The following ZC3H14 variants were observed in gnomAD, a reference collection of about 807,000 sequenced individuals.
ZC3H14 encodes the protein zinc finger CCCH-type containing 14.
In ZC3H14, 31 loss-of-function variants were observed where a neutral mutation model predicts 92.4. That is an observed-to-expected ratio of 0.34 (90% CI 0.25 to 0.45). The LOEUF is 0.45. ZC3H14 is among the 20% of genes least tolerant of loss of function. ZC3H14 has a pLI of 1.00. For synonymous variants in ZC3H14, 321 were observed against 300.9 expected, an observed-to-expected ratio of 1.07 and a Z score of -0.69; for missense variants, 781 against 897.3, an observed-to-expected ratio of 0.87 and a Z score of 1.66.
In ZC3H14 at chr14:88,611,901, A is replaced by T; in HGVS notation, c.*150A>T. Reference sequence around the variant, plus strand: ...TATTGCCTATCTATCTGAAGTGTCTAATTTTTCAAGTTTGTAAGTTTATTA... The same window carrying T: ...TATTGCCTATCTATCTGAAGTGTCTTATTTTTCAAGTTTGTAAGTTTATTA... On this transcript the variant is annotated 3_prime_UTR_variant, in exon 17 of 17. Coordinates refer to ENST00000251038, the MANE Select transcript of ZC3H14 (RefSeq NM_024824.5). 7 of 1,093,086 alleles carry T rather than the reference A, an allele frequency of 6.4e-6. No homozygotes were observed. The highest frequency in any genetic ancestry group is 1.5e-5 in the South Asian group (1 of 66,200). 67.7% of individuals were successfully genotyped at this position (1,093,086 alleles called of 1,614,324 possible). A position where few individuals can be genotyped will look rare whatever the true frequency, so the allele number is the denominator to read the frequency against.
chr14:88,618,633 C>G lies in ZC3H14; in HGVS notation c.*6882C>G, dbSNP rs766173124. On this transcript the variant is annotated 3_prime_UTR_variant, in exon 17 of 17. Coordinates refer to ENST00000251038, the MANE Select transcript of ZC3H14 (RefSeq NM_024824.5). ...CAGAAGAACTTGCCACCTGGGTATACAGTATTGGTACTGTACCTGGAGATA... is the reference window on the plus strand; with the variant it reads ...CAGAAGAACTTGCCACCTGGGTATAGAGTATTGGTACTGTACCTGGAGATA... The G allele has an allele frequency of 6.3e-7, 1 of 1,597,364 alleles. No homozygotes were observed. The highest frequency in any genetic ancestry group is 1.8e-5 in the Admixed American group (1 of 56,726).
rs11403585 is a variant in ZC3H14 at position 88,592,971 on chromosome 14, C to CTT, written c.1280-3749_1280-3748dup. Among the ~76,000 whole-genome samples the CTT allele has an allele frequency of 4.9e-3, 689 of 140,540 alleles. 10 individuals carry two copies. Among genetic ancestry groups the CTT allele is most frequent in the African/African-American group, 9.3e-3 (357 of 38,242 alleles). The allele number at this position is 140,540 out of a possible 152,430, so 92.2% of individuals were successfully genotyped here. A position where few individuals can be genotyped will look rare whatever the true frequency, so the allele number is the denominator to read the frequency against. On this transcript the variant is annotated intron_variant, in intron 9 of 16. Transcript: ENST00000251038. ...TAATGGATTGGAAGTCTTTACTATT[C>CTT]TTTTTTTTTTTTTTTGAGATGGAGT...
chr14:88,599,928 G>A (rs988300850), intron 10 of ZC3H14, among the ~76,000 whole-genome samples: 1 of 152,140 alleles, frequency 6.6e-6, no homozygotes, highest in Non-Finnish European at 1.5e-5. Flanking sequence ...GGAGGAAACC[G>A]ACTTTGTAGG....
chr14:88,614,203 A>AT lies in ZC3H14; in HGVS notation c.*2459dup, dbSNP rs1343977785. ...CTTTTTATGGGCAGGTTGTTCAGGG[A>AT]TTTTTTTCCTCCTTTAATTTATTGA... is the stretch of plus-strand genomic sequence containing the variant. On this transcript the variant is annotated 3_prime_UTR_variant, in exon 17 of 17. Coordinates refer to ENST00000251038, the MANE Select transcript of ZC3H14 (RefSeq NM_024824.5). 2 of 152,094 alleles carry AT rather than the reference A, an allele frequency of 1.3e-5. No individual in the cohort carries two copies. Among genetic ancestry groups the AT allele is most frequent in the Non-Finnish European group, 2.9e-5 (2 of 68,002 alleles). 9.4% of individuals were successfully genotyped at this position (152,094 alleles called of 1,614,324 possible).
chr14:88,592,435 C>CTG (rs2083254627), intron 9 of ZC3H14: 1 of 147,528 alleles, frequency 6.8e-6, no homozygotes, highest in African/African-American at 2.5e-5. Flanking sequence ...TTTCTTTATT[C>CTG]TGTTACTGTG....
rs183055796 is a variant in ZC3H14, at chr14:88,605,580, C to T, written c.1748-1663C>T. ...AACTCCTGAGCTCAAGTGATCTGCC[C>T]GCCTCGGCCTCCCAAAGTGCTGGGG... On this transcript the variant is annotated intron_variant, in intron 12 of 16. Coordinates refer to ENST00000251038, the MANE Select transcript of ZC3H14 (RefSeq NM_024824.5). Among the ~76,000 whole-genome samples the T allele has an allele frequency of 3.5e-3, 540 of 152,212 alleles. 1 individual carries two copies. The highest frequency in any genetic ancestry group is 5.1e-3 in the Non-Finnish European group (345 of 68,010).
chr14:88,608,504 A>C, intron 13 of ZC3H14: 1 of 266,102 alleles, frequency 3.8e-6, no homozygotes, highest in Non-Finnish European at 7.4e-6. Flanking sequence ...AGAGTAGCGT[A>C]TTTCTTGTTC....
At chr14:88,569,182 T>C (rs1264725845) in intron 3 of ZC3H14, among the ~76,000 whole-genome samples, 1 of 152,210 alleles carries the variant, frequency 6.6e-6, no homozygotes, top group Non-Finnish European at 1.5e-5. Flanking sequence ...CTGTATCTTA[T>C]AGTTCCTTTT....
chr14:88,618,256 C>G lies in ZC3H14; in HGVS notation c.*6505C>G, dbSNP rs938631984. ...GTCCATGTAGCCCAAGTAATTCTGTCAATAGCGGCATGATCCATAAGATGT... is the reference window on the plus strand; with the variant it reads ...GTCCATGTAGCCCAAGTAATTCTGTGAATAGCGGCATGATCCATAAGATGT... On this transcript the variant is annotated 3_prime_UTR_variant, in exon 17 of 17. Transcript: ENST00000251038. 2 of 1,613,602 alleles carry G rather than the reference C, an allele frequency of 1.2e-6. No individual in the cohort carries two copies. Among genetic ancestry groups the G allele is most frequent in the African/African-American group, 2.7e-5 (2 of 74,894 alleles).
chr14:88,611,385 A>G (rs115832785), intron 16 of ZC3H14, among the ~76,000 whole-genome samples: 1,603 of 152,236 alleles, frequency 0.011, 27 homozygotes, highest in African/African-American at 0.037. Flanking sequence ...ATGAGCCACC[A>G]CACCCAGCCA....
At chr14:88,594,740 C>T (rs1449324598) in intron 9 of ZC3H14, 2 of 1,613,866 alleles carry the variant, frequency 1.2e-6, no homozygotes, top group Non-Finnish European at 1.7e-6. Flanking sequence ...AGAATGTCTT[C>T]AAAGTTTCCA....
At position 88,574,454 on chromosome 14, in the gene ZC3H14, A is replaced by G. The variant is rs139900462; in HGVS notation, c.862-239A>G. 1.2e-3 allele frequency: 550 copies of G among 445,678 alleles called. 5 individuals carry two copies. The highest frequency in any genetic ancestry group is 9.6e-3 in the African/African-American group (482 of 50,030). 27.6% of individuals were successfully genotyped at this position (445,678 alleles called of 1,614,324 possible). A position where few individuals can be genotyped will look rare whatever the true frequency, so the allele number is the denominator to read the frequency against. ...GAGACAGGGTTTCACCATATTGGCC[A>G]GGCTGGTCTCGAAATCCTGACCTTG... On this transcript the variant is annotated intron_variant, in intron 6 of 16. Transcript: ENST00000251038.
intron 15 of ZC3H14, 78 bp downstream of exon 15, chr14:88,609,881 T>TA: frequency 6.8e-7 from 1 of 1,466,464 alleles, no homozygotes; most frequent in Non-Finnish European, 9.5e-7. Context: ...TTGTCAGAGT[T>TA]ACTACATTGG....
At position 88,588,666 on chromosome 14, in the gene ZC3H14, C is replaced by T. The variant is rs911443720; in HGVS notation, c.1280-8068C>T. Among the ~76,000 whole-genome samples the T allele has an allele frequency of 5.9e-5, 9 of 151,950 alleles. No homozygotes were observed. The South Asian group carries it at 1.0e-3, about 18-fold the overall frequency. The stretch of plus-strand genomic sequence containing the variant: ...TTTAATTTGAAAATTCATTCTCTTC[C>T]GTGTGGGAAATACTCTTGCATTATT... On this transcript the variant is annotated intron_variant, in intron 9 of 16. Transcript: ENST00000251038.
chr14:88,575,997 A>T, intron 8 of ZC3H14, 57 bp downstream of exon 8: 1 of 1,434,738 alleles, frequency 7.0e-7, no homozygotes, highest in Non-Finnish European at 9.8e-7. Context: ...TTCTTGAGTA[A>T]GGTGAAAATG....
At position 88,627,116 on chromosome 14, in the gene ZC3H14, T is replaced by G. The variant is rs1400775731; in HGVS notation, c.*15365T>G. On this transcript the variant is annotated 3_prime_UTR_variant, in exon 17 of 17. Transcript: ENST00000251038. ...GCTAATCAACAGCATCAAACAAATA[T>G]GTAAAATACATAGTTCAAAAAACAA... The G allele has an allele frequency of 1.3e-6, 2 of 1,497,102 alleles. No homozygotes were observed. The highest frequency in any genetic ancestry group is 2.8e-5 in the African/African-American group (2 of 72,584). 92.7% of individuals were successfully genotyped at this position (1,497,102 alleles called of 1,614,324 possible). A position where few individuals can be genotyped will look rare whatever the true frequency, so the allele number is the denominator to read the frequency against.
intron 1 of ZC3H14, 107 bp downstream of exon 1, chr14:88,563,276 G>T: frequency 6.5e-7 from 1 of 1,538,666 alleles, no homozygotes. Context: ...CCTGGCCTCC[G>T]CTGGACGCTC....
chr14:88,563,335 C>T (rs2079111775), intron 1 of ZC3H14, 166 bp downstream of exon 1: 2 of 1,486,530 alleles, frequency 1.3e-6, no homozygotes, highest in South Asian at 1.3e-5. Context: ...GCCCTGGGGA[C>T]ATTTGCGGCC....
At chr14:88,576,169 A>T (rs1205816594) in intron 8 of ZC3H14, among the ~76,000 whole-genome samples, 1 of 152,230 alleles carries the variant, frequency 6.6e-6, no homozygotes, top group Non-Finnish European at 1.5e-5. Context: ...TGCCTTTTAT[A>T]TCTTTCCAAT....
Sources: allele counts gnomAD v4.1 joint callset (sites outside exome capture counted in the v4.1 genomes callset), GRCh38; gene constraint gnomAD v4.1.1; transcripts MANE v1.5; gene names NCBI Gene and HGNC (gene_info 2026-07-23, HGNC 2026-07-21).